The following ZNF462 variants were observed in gnomAD, a reference collection of about 807,000 sequenced individuals.
The protein encoded by ZNF462 is zinc finger protein 462, also known as zinc finger PBX1-interacting protein.
In ZNF462, 10 loss-of-function variants were observed where a neutral mutation model predicts 201.9. The ratio of observed to expected loss-of-function variants is 0.05; its 90% CI spans 0.03 to 0.08. The LOEUF is 0.08. Ranked by LOEUF, ZNF462 falls within the 10% of genes least tolerant of loss-of-function variation. The pLI is 1.00. For missense variants in ZNF462, 2,523 were observed against 3,168.3 expected (o/e 0.80, Z 4.89); for synonymous variants, 1,227 against 1,193.3 (o/e 1.03, Z -0.58).
intron 7 of ZNF462, among the ~76,000 whole-genome samples, chr9:106,958,064 G>A (rs1564132091): frequency 1.3e-5 from 2 of 152,042 alleles, no homozygotes; most frequent in Non-Finnish European, 2.9e-5. Flanking sequence ...GTAAAATCCC[G>A]AGAAGAAAAG....
chr9:106,959,887 C>T (rs543015591), intron 7 of ZNF462, among the ~76,000 whole-genome samples: 3 of 152,024 alleles, frequency 2.0e-5, no homozygotes, highest in Non-Finnish European at 4.4e-5. Context: ...GGCAGCATTT[C>T]TGTGGGGTGA....
At chr9:106,939,271 AG>A (rs748216827) in intron 7 of ZNF462, among the ~76,000 whole-genome samples, 164 bp downstream of exon 7, 6 of 152,130 alleles carry the variant, frequency 3.9e-5, no homozygotes, top group Admixed American at 6.5e-5. Context: ...TGGAGTGGGA[AG>A]GGGAAATGAA....
intron 1 of ZNF462, among the ~76,000 whole-genome samples, chr9:106,889,676 T>A (rs943582542): frequency 6.6e-6 from 1 of 152,228 alleles, no homozygotes; most frequent in Non-Finnish European, 1.5e-5. Context: ...AGCATTTGAC[T>A]GCTTCCCAGG....
rs1157650888 is a variant in ZNF462, at chr9:106,883,565, CA to C, written c.-31+20212del. Among the ~76,000 whole-genome samples, 3 of 152,046 alleles carry C rather than the reference CA, an allele frequency of 2.0e-5. No individual in the cohort carries two copies. The highest frequency in any genetic ancestry group is 2.0e-4 in the Admixed American group (3 of 15,268). ...GTTCATTTTTCAGTGAATGCTAGGC[CA>C]AGGTTAGTGTTGAAGTACCCTAAGT... On this transcript the variant is annotated intron_variant, in intron 1 of 12. Coordinates refer to ENST00000277225, the MANE Select transcript of ZNF462 (RefSeq NM_021224.6). The surrounding 1 kb of genome is among the most constrained non-coding windows in gnomAD (Gnocchi z 4.9).
chr9:106,867,576 A>G (rs1202719393), intron 1 of ZNF462, among the ~76,000 whole-genome samples: 2 of 80,846 alleles, frequency 2.5e-5, no homozygotes, highest in East Asian at 3.0e-4. Flanking sequence ...CTTTTAGAGA[A>G]AAAAAAAAAA....
In ZNF462 at chr9:106,913,433, C is replaced by T. The variant is rs532135812; in HGVS notation, c.-30-9921C>T. Reference sequence around the variant, plus strand: ...TCATCAGAGCCAGACTTATGCCGGGCCCTGGGGATATAAGAATAAAAAAGA... The same window carrying T: ...TCATCAGAGCCAGACTTATGCCGGGTCCTGGGGATATAAGAATAAAAAAGA... On this transcript the variant is annotated intron_variant, in intron 1 of 12. Coordinates refer to ENST00000277225, the MANE Select transcript of ZNF462 (RefSeq NM_021224.6). This position sits in a 1 kb window ranked among gnomAD's most constrained non-coding sequence, Gnocchi z 4.1. Among the ~76,000 whole-genome samples the T allele has an allele frequency of 6.6e-6, 1 of 152,186 alleles. No individual in the cohort carries two copies. The highest frequency in any genetic ancestry group is 1.9e-4 in the East Asian group (1 of 5,174).
At chr9:106,980,532 A>G (rs1173477785) in intron 9 of ZNF462, among the ~76,000 whole-genome samples, 1 of 152,026 alleles carries the variant, frequency 6.6e-6, no homozygotes, top group Non-Finnish European at 1.5e-5. Context: ...GCAGAAGTGA[A>G]CCCTCTGTAT....
chr9:107,000,114 C>T (rs960955829), intron 10 of ZNF462, among the ~76,000 whole-genome samples: 13 of 151,814 alleles, frequency 8.6e-5, no homozygotes, highest in Admixed American at 5.3e-4. Context: ...CACATGAAGC[C>T]GGCAGGCATG....
rs1278528134 is a variant in ZNF462, at chr9:106,963,520, A to T, written c.6428-8485A>T. Among the ~76,000 whole-genome samples, 1 of 152,074 alleles carries T rather than the reference A, an allele frequency of 6.6e-6. No individual in the cohort carries two copies. The highest frequency in any genetic ancestry group is 2.4e-5 in the African/African-American group (1 of 41,428). On this transcript the variant is annotated intron_variant, in intron 7 of 12. Transcript: ENST00000277225. This position sits in a 1 kb window ranked among gnomAD's most constrained non-coding sequence, Gnocchi z 4.7. ...TTGGTTGTCATTTCAGATTGACAGGAACAATGCCTTGTGTGCCTGTATAGC... is the reference window on the plus strand; with the variant it reads ...TTGGTTGTCATTTCAGATTGACAGGTACAATGCCTTGTGTGCCTGTATAGC...
intron 10 of ZNF462, among the ~76,000 whole-genome samples, chr9:106,987,194 G>A (rs1242975544): frequency 4.6e-5 from 7 of 152,138 alleles, no homozygotes; most frequent in Non-Finnish European, 1.0e-4. Flanking sequence ...TGGAATTGGT[G>A]GATCAAATGG....
Position 106,898,505 on chromosome 9 carries a change from C to G in ZNF462, c.-30-24849C>G, listed in dbSNP as rs1455251466. Among the ~76,000 whole-genome samples, 3 of 152,108 alleles carry G rather than the reference C, an allele frequency of 2.0e-5. No homozygotes were observed. The East Asian group carries it at 5.8e-4, about 29-fold the overall frequency. ...TCACTACTGGGGATGAGGGAAGATGCTACCAGCATCTAGTGGGGATGTCAG... is the reference window on the plus strand; with the variant it reads ...TCACTACTGGGGATGAGGGAAGATGGTACCAGCATCTAGTGGGGATGTCAG... On this transcript the variant is annotated intron_variant, in intron 1 of 12. Transcript: ENST00000277225.
chr9:106,973,633 C>G (rs1348818568), intron 8 of ZNF462, among the ~76,000 whole-genome samples: 1 of 152,070 alleles, frequency 6.6e-6, no homozygotes. Context: ...GGCAGCAGTA[C>G]CATTCCACCT....
intron 7 of ZNF462, among the ~76,000 whole-genome samples, chr9:106,959,669 T>A (rs979405466): frequency 1.1e-4 from 17 of 152,116 alleles, no homozygotes; most frequent in African/African-American, 3.6e-4. Context: ...TGTTTTCCAG[T>A]TGTTGCTGGG....
chr9:106,991,259 T>C (rs1228498008), intron 10 of ZNF462, among the ~76,000 whole-genome samples: 1 of 152,018 alleles, frequency 6.6e-6, no homozygotes, highest in Non-Finnish European at 1.5e-5. Context: ...TTCTGTATAC[T>C]AGTAATGGAC....
At chr9:106,863,030 A>C (rs1325340570), upstream of ZNF462, 11 of 387,926 alleles carry the variant, frequency 2.8e-5, no homozygotes, top group East Asian at 7.3e-5. Context: ...GGAGAGAGAG[A>C]GAGCGCGCGA....
intron 9 of ZNF462, among the ~76,000 whole-genome samples, chr9:106,976,987 TATCA>T (rs1827052396): frequency 6.6e-6 from 1 of 152,180 alleles, no homozygotes; most frequent in African/African-American, 2.4e-5. Flanking sequence ...AGAGAGGTAG[TATCA>T]CCCTGTTGAG....
rs1828298161 is a variant in ZNF462 at position 106,885,944 on chromosome 9, CT to C, written c.-31+22592del. Among the ~76,000 whole-genome samples the C allele has an allele frequency of 2.0e-5, 3 of 152,154 alleles. No individual in the cohort carries two copies. The highest frequency in any genetic ancestry group is 2.0e-4 in the Admixed American group (3 of 15,272). On this transcript the variant is annotated intron_variant, in intron 1 of 12. Transcript: ENST00000277225. The surrounding 1 kb of genome is among the most constrained non-coding windows in gnomAD (Gnocchi z 4.1). ...AGTCATGTTCTGATAATTATTTGCT[CT>C]TTGGATATTTCCTCATCTAGATAGA...
In ZNF462 at chr9:107,012,691, G is replaced by A. The variant is rs1318771771; in HGVS notation, c.*1661G>A. 7.6e-6 allele frequency: 1 copy of A among 132,018 alleles called. No homozygotes were observed. The highest frequency in any genetic ancestry group is 2.7e-5 in the African/African-American group (1 of 36,386). 8.2% of individuals were successfully genotyped at this position (132,018 alleles called of 1,614,324 possible). ...AGTGTGTGTGTGCATGTGTGCACGT[G>A]TGAATCCTTTGGTTTTCATGTTTTT... On this transcript the variant is annotated 3_prime_UTR_variant, in exon 13 of 13. Transcript: ENST00000277225.
rs376460171 is a variant in ZNF462, at chr9:106,935,530, C to T, written c.6144C>T (p.His2048=). Residue 2048 remains histidine (H), a synonymous_variant, in exon 6 of 13, where the codon CAC becomes CAT. Transcript: ENST00000277225. The surrounding 1 kb of genome is among the most constrained non-coding windows in gnomAD (Gnocchi z 4.1). ...HNLDRHMQTH[H]GHHKPFRCKL... ...TGGATCGCCATATGCAAACCCACCA[C>T]GGACACCATAAACCATTCCGATGCA... The T allele has an allele frequency of 1.2e-5, 20 of 1,613,966 alleles. No homozygotes were observed. Among genetic ancestry groups the T allele is most frequent in the Middle Eastern group, 1.6e-4 (1 of 6,084 alleles).
Sources: allele counts gnomAD v4.1 joint callset (sites outside exome capture counted in the v4.1 genomes callset), GRCh38; gene constraint gnomAD v4.1.1; non-coding constraint Gnocchi (gnomAD v3.1); transcripts MANE v1.5; gene names NCBI Gene and HGNC (gene_info 2026-07-23, HGNC 2026-07-21).